Variants in PKP1 observed in about 807,000 individuals in gnomAD.
PKP1 encodes plakophilin-1.
A neutral mutation model predicts 76.4 loss-of-function variants in PKP1; 27 were observed. The observed-to-expected ratio is 0.35, with a 90% confidence interval of 0.26 to 0.49. PKP1 has a LOEUF of 0.49. PKP1 is among the 20% of genes least tolerant of loss of function. PKP1 has a pLI of 0.99. For missense variants in PKP1, 964 were observed against 955.2 expected (o/e 1.01, Z -0.12); for synonymous variants, 404 against 384.2 (o/e 1.05, Z -0.60).
Position 201,313,372 on chromosome 1 carries a change from G to C in PKP1, c.513G>C (p.Thr171=), listed in dbSNP as rs773808308. Reference sequence around the variant, plus strand: ...CACGGGGCACCCTGCGCAAGGGCACGCTGGGCAGCAAGGGCCAGAAGACCA... The same window carrying C: ...CACGGGGCACCCTGCGCAAGGGCACCCTGGGCAGCAAGGGCCAGAAGACCA... ...CDPRGTLRKG[T]LGSKGQKTTQ... is the part of the protein sequence containing the mutation. Residue 171 remains threonine, a synonymous_variant, in exon 3 of 14, where the codon ACG becomes ACC. Transcript: ENST00000367324. The C allele has an allele frequency of 6.3e-7, 1 of 1,581,724 alleles. No homozygotes were observed. The highest frequency in any genetic ancestry group is 8.6e-7 in the Non-Finnish European group (1 of 1,163,572).
chr1:201,329,809 T>A (rs761587162), intron 13 of PKP1, among the ~76,000 whole-genome samples: 5 of 152,192 alleles, frequency 3.3e-5, no homozygotes, highest in Non-Finnish European at 7.3e-5. Context: ...GAGATTCGGT[T>A]TGGCAAATCC....
intron 4 of PKP1, 45 bp from the exon 5 acceptor site, chr1:201,317,527 C>T (rs1172662634): frequency 2.0e-6 from 3 of 1,507,934 alleles, no homozygotes; most frequent in South Asian, 2.3e-5. Context: ...ACTAGATCAG[C>T]CTCATCTCCC....
chr1:201,322,179 C>T (rs779558193), intron 8 of PKP1, 46 bp downstream of exon 8: 2 of 1,594,424 alleles, frequency 1.3e-6, no homozygotes, highest in African/African-American at 1.3e-5. Context: ...TCAAGCACCC[C>T]CCCAGGAGCC....
rs112332999 is a variant in PKP1, at chr1:201,301,090, G to T, written c.306+7045G>T. Among the ~76,000 whole-genome samples, 948 of 152,268 alleles carry T rather than the reference G, an allele frequency of 6.2e-3. 13 individuals are homozygous for T. The highest frequency in any genetic ancestry group is 0.021 in the African/African-American group (884 of 41,544). On this transcript the variant is annotated intron_variant, in intron 2 of 13. Coordinates refer to ENST00000367324, the MANE Select transcript of PKP1 (RefSeq NM_001005337.3). ...ATGCTCCTCAGGGCCGAGTGAGCAC[G>T]CTGGCCCCTCCATCCTCCTGCCCCA...
intron 2 of PKP1, among the ~76,000 whole-genome samples, chr1:201,306,163 T>C (rs1296678260): frequency 6.6e-6 from 1 of 152,194 alleles, no homozygotes; most frequent in Non-Finnish European, 1.5e-5. Flanking sequence ...GAAAAACCTA[T>C]TTCTCAGGTG....
At chr1:201,315,757 A>G (rs1656701807) in intron 3 of PKP1, among the ~76,000 whole-genome samples, 1 of 152,246 alleles carries the variant, frequency 6.6e-6, no homozygotes, top group Non-Finnish European at 1.5e-5. Context: ...GCCCTTGGAC[A>G]TCAGGCTAAG....
rs1460992666 is a variant in PKP1 at position 201,307,261 on chromosome 1, G to T, written c.307-5905G>T. Among the ~76,000 whole-genome samples the T allele has an allele frequency of 2.0e-5, 3 of 152,292 alleles. No homozygotes were observed. In the East Asian group the frequency reaches 5.8e-4, roughly 29 times the overall value. Reference sequence around the variant, plus strand: ...GATTGCTCTGTGTCCAGGCGTCAAGGCTTCTGAGCAATGGGGCTGCTCTGC... The same window carrying T: ...GATTGCTCTGTGTCCAGGCGTCAAGTCTTCTGAGCAATGGGGCTGCTCTGC... On this transcript the variant is annotated intron_variant, in intron 2 of 13. Transcript: ENST00000367324.
Position 201,332,038 on chromosome 1 carries a change from A to G in PKP1, c.*1997A>G, listed in dbSNP as rs1203251874. ...CACTTAGACTACATCAGGGAAGAAC[A>G]CAGACCACATCCCTGTCCTCATGCG... is the stretch of plus-strand genomic sequence containing the variant. On this transcript the variant is annotated 3_prime_UTR_variant, in exon 14 of 14. Transcript: ENST00000367324. 1 of 152,342 alleles carries G rather than the reference A, an allele frequency of 6.6e-6. No homozygotes were observed. Among genetic ancestry groups the G allele is most frequent in the African/African-American group, 2.4e-5 (1 of 41,462 alleles). The allele number at this position is 152,342 out of a possible 1,614,324, so 9.4% of individuals were successfully genotyped here.
chr1:201,327,503 G>T (rs1419484024), intron 12 of PKP1, among the ~76,000 whole-genome samples: 1 of 152,222 alleles, frequency 6.6e-6, no homozygotes, highest in Non-Finnish European at 1.5e-5. Flanking sequence ...AATGGCAACT[G>T]CCAGATAGAC....
chr1:201,285,417 C>T (rs550700159), intron 1 of PKP1, among the ~76,000 whole-genome samples: 1 of 152,142 alleles, frequency 6.6e-6, no homozygotes, highest in African/African-American at 2.4e-5. Context: ...TCTGTGTGCT[C>T]TTTGCCTTTG....
intron 5 of PKP1, 106 bp downstream of exon 5, chr1:201,317,885 C>G: frequency 9.1e-7 from 1 of 1,104,600 alleles, no homozygotes; most frequent in Admixed American, 2.0e-5. Flanking sequence ...GGCCAAGACA[C>G]AGCTGTGCAG....
At chr1:201,284,308 G>C (rs1432285010) in intron 1 of PKP1, among the ~76,000 whole-genome samples, 2 of 152,242 alleles carry the variant, frequency 1.3e-5, no homozygotes, top group Non-Finnish European at 2.9e-5. Context: ...GGCCCCGGCT[G>C]TCCTGGGGCC....
intron 2 of PKP1, among the ~76,000 whole-genome samples, chr1:201,299,385 C>T (rs73074605): frequency 0.015 from 2,247 of 152,240 alleles, 57 homozygotes; most frequent in African/African-American, 0.052. Flanking sequence ...CAGTGGGAGG[C>T]GTGGATTCCA....
At chr1:201,305,921 C>A (rs577952355) in intron 2 of PKP1, among the ~76,000 whole-genome samples, 31 of 152,298 alleles carry the variant, frequency 2.0e-4, no homozygotes, top group African/African-American at 7.5e-4. Flanking sequence ...GGAGCTATGA[C>A]CTCAGAACAT....
chr1:201,305,995 C>A (rs1656356169), intron 2 of PKP1, among the ~76,000 whole-genome samples: 1 of 152,180 alleles, frequency 6.6e-6, no homozygotes, highest in African/African-American at 2.4e-5. Flanking sequence ...AGGGAGATGG[C>A]TGAGGGCCAG....
chr1:201,290,160 C>T (rs1011617507), intron 1 of PKP1, among the ~76,000 whole-genome samples: 2 of 152,094 alleles, frequency 1.3e-5, no homozygotes, highest in African/African-American at 4.8e-5. Flanking sequence ...GTGACCTGAG[C>T]GGTAGATTTT....
At chr1:201,307,487 G>A (rs1397082984) in intron 2 of PKP1, among the ~76,000 whole-genome samples, 1 of 152,162 alleles carries the variant, frequency 6.6e-6, no homozygotes, top group African/African-American at 2.4e-5. Flanking sequence ...CTACCCCTTT[G>A]GGAAGATTCT....
chr1:201,314,973 A>T (rs558195533), intron 3 of PKP1, among the ~76,000 whole-genome samples: 8 of 152,386 alleles, frequency 5.2e-5, no homozygotes, highest in African/African-American at 1.9e-4. Flanking sequence ...GTCCAAGGCC[A>T]CACAGCTGGC....
intron 2 of PKP1, among the ~76,000 whole-genome samples, chr1:201,312,541 G>T (rs1656588271): frequency 6.6e-6 from 1 of 152,226 alleles, no homozygotes; most frequent in Non-Finnish European, 1.5e-5. Context: ...GCAATTCACA[G>T]TAATAAATGC....
Sources: allele counts gnomAD v4.1 joint callset (sites outside exome capture counted in the v4.1 genomes callset), GRCh38; gene constraint gnomAD v4.1.1; transcripts MANE v1.5; gene names NCBI Gene and HGNC (gene_info 2026-07-23, HGNC 2026-07-21).